Variants in ULK4 observed in about 807,000 individuals in gnomAD.
The protein encoded by ULK4 is inactive serine/threonine-protein kinase ULK4.
A neutral mutation model predicts 160.6 loss-of-function variants in ULK4; 133 were observed. The ratio of observed to expected loss-of-function variants is 0.83; its 90% confidence interval spans 0.72 to 0.96. The LOEUF (loss-of-function observed/expected upper bound fraction) is 0.96. Among genes scored for constraint, ULK4 ranks in the 40% least tolerant of loss-of-function variants. ULK4 has a pLI of 0.00. For synonymous variants in ULK4, 534 were observed against 539.8 expected (o/e 0.99, Z 0.15); for missense variants, 1,580 against 1,499.5 (o/e 1.05, Z -0.89).
intron 30 of ULK4, among the ~76,000 whole-genome samples, chr3:41,640,848 C>A (rs1381532014): frequency 6.6e-6 from 1 of 152,064 alleles, no homozygotes; most frequent in Non-Finnish European, 1.5e-5. Context: ...TAAAAATTTT[C>A]AAAATGTGGG....
At chr3:41,613,053 T>C (rs557914270) in intron 31 of ULK4, among the ~76,000 whole-genome samples, 6 of 152,324 alleles carry the variant, frequency 3.9e-5, no homozygotes, top group African/African-American at 9.6e-5. Flanking sequence ...AAGGCATAAG[T>C]AGCAGCCGAG....
At chr3:41,343,358 G>A (rs2080728108) in intron 35 of ULK4, among the ~76,000 whole-genome samples, 1 of 134,916 alleles carries the variant, frequency 7.4e-6, no homozygotes, top group Non-Finnish European at 1.5e-5. Context: ...AAGCTGGAGT[G>A]CAGTGGCACA....
intron 30 of ULK4, among the ~76,000 whole-genome samples, chr3:41,655,405 A>T (rs953449906): frequency 2.0e-5 from 3 of 151,126 alleles, no homozygotes; most frequent in East Asian, 2.0e-4. Context: ...GAGGGATAGC[A>T]TTAGGAGATA....
At chr3:41,789,199 A>G (rs2040079937) in intron 21 of ULK4, among the ~76,000 whole-genome samples, 1 of 152,220 alleles carries the variant, frequency 6.6e-6, no homozygotes, top group East Asian at 1.9e-4. Flanking sequence ...AGGCATATAA[A>G]GGACTAGAAG....
chr3:41,592,960 T>C (rs548785507), intron 31 of ULK4, among the ~76,000 whole-genome samples: 1 of 151,924 alleles, frequency 6.6e-6, no homozygotes, highest in Non-Finnish European at 1.5e-5. Flanking sequence ...TCACAACCAC[T>C]TTCCTCACTA....
At chr3:41,856,553 A>ATATATATACACATATATATATATGTGTG (rs2042352432) in intron 17 of ULK4, among the ~76,000 whole-genome samples, 1 of 56,500 alleles carries the variant, frequency 1.8e-5, no homozygotes, top group African/African-American at 7.6e-5. Flanking sequence ...ATATATGTGT[A>ATATATATACACATATATATATATGTGTG]TATATATACA....
rs550059335 is a variant in ULK4 at position 41,524,242 on chromosome 3, G to A, written c.3226+41783C>T. ...CCACTGAATTATACACTCTAAATGG[G>A]TGAACTGTGTGGTATGTGATATATA... On this transcript the variant is annotated intron_variant, in intron 32 of 36. Coordinates refer to ENST00000301831, the MANE Select transcript of ULK4 (RefSeq NM_017886.4). Among the ~76,000 whole-genome samples the A allele has an allele frequency of 2.3e-4, 35 of 152,292 alleles. No individual in the cohort carries two copies. The South Asian group carries it at 6.4e-3, about 28-fold the overall frequency.
At chr3:41,936,083 G>A (rs1467311998) in intron 3 of ULK4, 143 bp from the exon 4 acceptor site, 6 of 1,065,902 alleles carry the variant, frequency 5.6e-6, no homozygotes, top group Non-Finnish European at 8.0e-6. Flanking sequence ...ACACACATGT[G>A]AGTAAATACA....
At chr3:41,608,506 A>C (rs953390788) in intron 31 of ULK4, among the ~76,000 whole-genome samples, 5 of 152,192 alleles carry the variant, frequency 3.3e-5, no homozygotes, top group Admixed American at 6.5e-5. Context: ...TCATATTGAG[A>C]ATGAGTAATC....
At chr3:41,391,764 C>T (rs1198598433) in intron 35 of ULK4, among the ~76,000 whole-genome samples, 1 of 151,984 alleles carries the variant, frequency 6.6e-6, no homozygotes, top group Non-Finnish European at 1.5e-5. Context: ...TGATGGTGAG[C>T]ACAGCAAGAC....
intron 22 of ULK4, among the ~76,000 whole-genome samples, chr3:41,754,156 G>A (rs1443531415): frequency 6.6e-6 from 1 of 152,056 alleles, no homozygotes; most frequent in East Asian, 1.9e-4. Flanking sequence ...GGGCACACCA[G>A]GGATTTCTCA....
intron 32 of ULK4, among the ~76,000 whole-genome samples, chr3:41,504,760 A>C (rs1295878386): frequency 6.6e-6 from 1 of 152,244 alleles, no homozygotes; most frequent in Non-Finnish European, 1.5e-5. Flanking sequence ...CTATATATAT[A>C]AACTGTAAAC....
At chr3:41,922,082 G>A (rs750728673) in intron 5 of ULK4, among the ~76,000 whole-genome samples, 11 of 152,140 alleles carry the variant, frequency 7.2e-5, no homozygotes, top group Non-Finnish European at 1.3e-4. Flanking sequence ...GAACCCAGGA[G>A]GCGGAGCTTG....
At chr3:41,590,370 C>T (rs939179671) in intron 31 of ULK4, among the ~76,000 whole-genome samples, 2 of 146,788 alleles carry the variant, frequency 1.4e-5, no homozygotes, top group Non-Finnish European at 3.0e-5. Flanking sequence ...AATCCCAGCA[C>T]TTAGGGAGGC....
At chr3:41,849,340 C>G (rs2042149253) in intron 17 of ULK4, among the ~76,000 whole-genome samples, 1 of 152,108 alleles carries the variant, frequency 6.6e-6, no homozygotes, top group African/African-American at 2.4e-5. Context: ...AAGATCTGTA[C>G]CAACATTTAC....
chr3:41,573,839 T>C (rs2088087815), intron 31 of ULK4, among the ~76,000 whole-genome samples: 1 of 152,204 alleles, frequency 6.6e-6, no homozygotes, highest in Non-Finnish European at 1.5e-5. Flanking sequence ...AACATTCTCC[T>C]ACCTGGCTAG....
chr3:41,433,592 A>C (rs2082962881), intron 34 of ULK4, among the ~76,000 whole-genome samples: 1 of 152,190 alleles, frequency 6.6e-6, no homozygotes, highest in Non-Finnish European at 1.5e-5. Flanking sequence ...CTAGAAGCTT[A>C]AACATCCATT....
intron 17 of ULK4, among the ~76,000 whole-genome samples, 188 bp from the exon 18 acceptor site, chr3:41,836,159 T>C (rs2041750684): frequency 6.6e-6 from 1 of 151,978 alleles, no homozygotes; most frequent in African/African-American, 2.4e-5. Context: ...TTTAGAAATA[T>C]ATTCAGTAAA....
At chr3:41,770,248 C>T (rs1024321970) in intron 21 of ULK4, among the ~76,000 whole-genome samples, 17 of 152,102 alleles carry the variant, frequency 1.1e-4, no homozygotes, top group South Asian at 8.3e-4. Flanking sequence ...TGATCTTCCA[C>T]GGTGCTTCCA....
Sources: allele counts gnomAD v4.1 joint callset (sites outside exome capture counted in the v4.1 genomes callset), GRCh38; gene constraint gnomAD v4.1.1; transcripts MANE v1.5; gene names NCBI Gene and HGNC (gene_info 2026-07-23, HGNC 2026-07-21).